Variants in ANKRD50 observed in about 807,000 individuals in gnomAD.
ANKRD50 encodes the protein ankyrin repeat domain-containing protein 50.
A neutral mutation model predicts 112.0 loss-of-function variants in ANKRD50; 40 were observed. The ratio of observed to expected loss-of-function variants is 0.36; its 90% confidence interval spans 0.28 to 0.46. The LOEUF (loss-of-function observed/expected upper bound fraction) is 0.46, where lower values mean the gene tolerates loss of function less well. Among genes scored for constraint, ANKRD50 ranks in the 20% least tolerant of loss-of-function variants. ANKRD50 has a pLI of 1.00. For synonymous variants in ANKRD50, 613 were observed against 619.1 expected, an observed-to-expected ratio of 0.99 and a Z score of 0.15; for missense variants, 1,487 against 1,701.7, an observed-to-expected ratio of 0.87 and a Z score of 2.22.
In ANKRD50 at chr4:124,669,372, G is replaced by C; in HGVS notation, c.3905C>G (p.Thr1302Ser). 6.2e-7 allele frequency: 1 copy of C among 1,613,660 alleles called. No individual in the cohort carries two copies. Among genetic ancestry groups the C allele is most frequent in the Non-Finnish European group, 8.5e-7 (1 of 1,179,840 alleles). Residue 1302 changes from threonine to serine, a missense_variant, in exon 4 of 5, where the codon ACT becomes AGT. Physicochemically the swap from Thr to Ser is moderately conservative, Grantham distance 58 (BLOSUM62 1). Coordinates refer to ENST00000504087, the MANE Select transcript of ANKRD50 (RefSeq NM_020337.3). ...TATAGGTCCTCTTCTATCAAACTGA[G>C]TCATTTCATATTCTAAAACCTTTGG... ...SQPKVLEYEM[T>S]QFDRRGPIAK...
chr4:124,708,964 T>C (rs1725567409), intron 2 of ANKRD50, among the ~76,000 whole-genome samples: 1 of 151,428 alleles, frequency 6.6e-6, no homozygotes, highest in South Asian at 2.1e-4. Context: ...AATGTATAGA[T>C]TTCACCCCAT....
In ANKRD50 at chr4:124,669,830, C is replaced by T. The variant is rs149969862; in HGVS notation, c.3447G>A (p.Ser1149=). 325 of 1,612,716 alleles carry T rather than the reference C, an allele frequency of 2.0e-4. 2 individuals carry two copies. The African/African-American group carries it at 3.6e-3, about 18-fold the overall frequency. Residue 1149 remains serine (S), a synonymous_variant, in exon 4 of 5, where the codon TCG becomes TCA. Transcript: ENST00000504087. ...TAGGCCCATTAGGTAAACCACGTAA[C>T]GAAGGCTGCATATCCCCTCCACCAG... ...GSTGGGDMQP[S]LRGLPNGPTH...
chr4:124,679,268 C>T (rs1424885931), intron 2 of ANKRD50, among the ~76,000 whole-genome samples: 1 of 152,082 alleles, frequency 6.6e-6, no homozygotes, highest in Non-Finnish European at 1.5e-5. Flanking sequence ...AAATGTGTTG[C>T]AGAGTGGAAA....
chr4:124,704,591 G>GCTTC (rs748237145), intron 2 of ANKRD50, among the ~76,000 whole-genome samples: 1 of 152,158 alleles, frequency 6.6e-6, no homozygotes, highest in Non-Finnish European at 1.5e-5. Context: ...TTATTCAAGA[G>GCTTC]CTTCAGCCTT....
intron 2 of ANKRD50, among the ~76,000 whole-genome samples, chr4:124,705,912 G>A (rs1182531026): frequency 6.6e-6 from 1 of 152,026 alleles, no homozygotes; most frequent in Non-Finnish European, 1.5e-5. Flanking sequence ...TTTCAGAAAT[G>A]AGGAAATAAA....
intron 2 of ANKRD50, among the ~76,000 whole-genome samples, chr4:124,703,350 G>A (rs150960908): frequency 5.4e-4 from 82 of 152,282 alleles, no homozygotes; most frequent in African/African-American, 1.9e-3. Context: ...ATGGGGAAGA[G>A]GAAGGGAAAC....
rs1489829501 is a variant in ANKRD50, at chr4:124,672,444, T to G, written c.833A>C (p.Glu278Ala). The stretch of plus-strand genomic sequence containing the variant: ...TTTTGTGAGGTGTTGTCGCAAAGCT[T>G]CTTCTTGATCTAAACGATGAAGAAT... ...QYILHRLDQE[E>A]ALRQHLTKET... is the part of the protein sequence containing the mutation. Residue 278 changes from glutamate to alanine, a missense_variant, in exon 4 of 5, where the codon GAA becomes GCA. By Grantham distance (107) the Glu-to-Ala change is moderately radical (BLOSUM62 -1). Around this residue, in one of 2 missense-constraint regions of ANKRD50, gnomAD observed 1,046 missense variants for 1,269.5 expected, o/e 0.82. Coordinates refer to ENST00000504087, the MANE Select transcript of ANKRD50 (RefSeq NM_020337.3). The G allele has an allele frequency of 3.1e-6, 5 of 1,612,798 alleles. No individual in the cohort carries two copies. Among genetic ancestry groups the G allele is most frequent in the Non-Finnish European group, 4.2e-6 (5 of 1,179,438 alleles).
At chr4:124,677,810 T>C (rs1173113298) in intron 3 of ANKRD50, among the ~76,000 whole-genome samples, 2 of 151,928 alleles carry the variant, frequency 1.3e-5, no homozygotes, top group Non-Finnish European at 2.9e-5. Context: ...AAGTGAATAA[T>C]ACTGGTTTTC....
At position 124,665,949 on chromosome 4, in the gene ANKRD50, T is replaced by A. The variant is rs1448081504; in HGVS notation, c.*1569A>T. 6.6e-6 allele frequency: 1 copy of A among 152,114 alleles called. No homozygotes were observed. 9.4% of individuals were successfully genotyped at this position (152,114 alleles called of 1,614,324 possible). Reference sequence around the variant, plus strand: ...GTGTCCTTCATATATGAAGATGACATTACTGACCTTTGTTATTAGGACATA... The same window carrying A: ...GTGTCCTTCATATATGAAGATGACAATACTGACCTTTGTTATTAGGACATA... On this transcript the variant is annotated 3_prime_UTR_variant, in exon 5 of 5. Coordinates refer to ENST00000504087, the MANE Select transcript of ANKRD50 (RefSeq NM_020337.3).
At position 124,678,795 on chromosome 4, in the gene ANKRD50, G is replaced by A. The variant is rs764300290; in HGVS notation, c.623C>T (p.Thr208Ile). Residue 208 changes from threonine to isoleucine, a missense_variant, in exon 3 of 5, where the codon ACC becomes ATC. Transcript: ENST00000504087. ...TGCTGCAACAGTCCCAGATAAGCTGGTAGACGTTTGTTCACCTTCAGTAAT... is the reference window on the plus strand; with the variant it reads ...TGCTGCAACAGTCCCAGATAAGCTGATAGACGTTTGTTCACCTTCAGTAAT... ...CNITEGEQTS[T>I]SLSGTVAALL... The A allele has an allele frequency of 1.5e-5, 24 of 1,613,868 alleles. No individual in the cohort carries two copies. Among genetic ancestry groups the A allele is most frequent in the Non-Finnish European group, 1.9e-5 (23 of 1,179,834 alleles).
intron 2 of ANKRD50, among the ~76,000 whole-genome samples, chr4:124,683,660 A>C (rs1724941052): frequency 6.6e-6 from 1 of 151,104 alleles, no homozygotes; most frequent in Non-Finnish European, 1.5e-5. Flanking sequence ...TTCCCCAAAG[A>C]CTGCCAATTT....
Position 124,666,418 on chromosome 4 carries a change from T to A in ANKRD50, c.*1100A>T, listed in dbSNP as rs1730492739. 1.3e-5 allele frequency: 2 copies of A among 152,430 alleles called. No homozygotes were observed. The highest frequency in any genetic ancestry group is 4.8e-5 in the African/African-American group (2 of 41,418). 9.4% of individuals were successfully genotyped at this position (152,430 alleles called of 1,614,324 possible). ...TATGATTGACAGGGGAGTGGTGTCA[T>A]CTGTGAAGGGCAGCACATTTTATAT... On this transcript the variant is annotated 3_prime_UTR_variant, in exon 5 of 5. Transcript: ENST00000504087.
chr4:124,695,279 G>C (rs1057276758), intron 2 of ANKRD50, among the ~76,000 whole-genome samples: 1 of 152,138 alleles, frequency 6.6e-6, no homozygotes, highest in South Asian at 2.1e-4. Flanking sequence ...CTTCCAAAGT[G>C]AGCAAAAGAA....
chr4:124,686,623 C>T (rs186644431), intron 2 of ANKRD50, among the ~76,000 whole-genome samples: 26 of 152,186 alleles, frequency 1.7e-4, no homozygotes, highest in East Asian at 1.2e-3. Context: ...CCTACAGCAA[C>T]GGGATGGGCA....
At position 124,671,530 on chromosome 4, in the gene ANKRD50, T is replaced by C; in HGVS notation, c.1747A>G (p.Thr583Ala). Residue 583 changes from threonine to alanine, a missense_variant, in exon 4 of 5, where the codon ACT becomes GCT. Thr to Ala is a moderately conservative substitution (Grantham distance 58). Around this residue, in one of 2 missense-constraint regions of ANKRD50, gnomAD observed 1,046 missense variants for 1,269.5 expected, o/e 0.82. Transcript: ENST00000504087. ...GTATGTCCCTGTCTAGCCGCTAGAG[T>C]GAGTGGTGTATGTCCATGAGCATCT... The part of the protein sequence containing the change: ...IEDAHGHTPL[T>A]LAARQGHTKV... The C allele has an allele frequency of 3.7e-6, 6 of 1,613,682 alleles. No individual in the cohort carries two copies. Among genetic ancestry groups the C allele is most frequent in the Non-Finnish European group, 5.1e-6 (6 of 1,179,828 alleles).
In ANKRD50 at chr4:124,671,093, T is replaced by C. The variant is rs765321731; in HGVS notation, c.2184A>G (p.Ala728=). The part of the protein sequence containing the change: ...ALCVPASKGH[A]SVVSLLIDRG... ...GATCAATTAAAAGGCTAACAACTGATGCGTGCCCTTTACTTGCAGGCACAC... is the reference window on the plus strand; with the variant it reads ...GATCAATTAAAAGGCTAACAACTGACGCGTGCCCTTTACTTGCAGGCACAC... Residue 728 remains alanine, a synonymous_variant, in exon 4 of 5, where the codon GCA becomes GCG. Transcript: ENST00000504087. The C allele has an allele frequency of 6.2e-6, 10 of 1,613,692 alleles. No individual in the cohort carries two copies. The highest frequency in any genetic ancestry group is 1.3e-5 in the African/African-American group (1 of 74,872).
At chr4:124,683,261 T>G (rs540499506) in intron 2 of ANKRD50, among the ~76,000 whole-genome samples, 1 of 151,488 alleles carries the variant, frequency 6.6e-6, no homozygotes, top group South Asian at 2.1e-4. Context: ...AAAAATGGCA[T>G]CCTCATTATA....
chr4:124,699,242 A>T (rs890825255), intron 2 of ANKRD50, among the ~76,000 whole-genome samples: 3 of 146,410 alleles, frequency 2.0e-5, no homozygotes, highest in African/African-American at 7.6e-5. Context: ...ATTCAGATTT[A>T]GAAGCAGATA....
Position 124,678,683 on chromosome 4 carries a change from CA to C in ANKRD50, c.734del (p.Met245SerfsTer8), listed in dbSNP as rs752967505. ...GTAAGTAATTATGCTTACCAGTAAACATTTTAGTAACAGCCTTACTCTGCTT... is the reference window on the plus strand; with the variant it reads ...GTAAGTAATTATGCTTACCAGTAAACTTTTAGTAACAGCCTTACTCTGCTT... ...ARKQSKAVTK[M>X]FTGFRKISLD... On this transcript the variant is annotated frameshift_variant, in exon 3 of 5. Coordinates refer to ENST00000504087, the MANE Select transcript of ANKRD50 (RefSeq NM_020337.3). LOFTEE classifies it high-confidence loss of function. The C allele has an allele frequency of 6.2e-7, 1 of 1,612,518 alleles. No individual in the cohort carries two copies. The highest frequency in any genetic ancestry group is 8.5e-7 in the Non-Finnish European group (1 of 1,178,856).
Sources: allele counts gnomAD v4.1 joint callset (sites outside exome capture counted in the v4.1 genomes callset), GRCh38; gene constraint gnomAD v4.1.1; regional missense constraint gnomAD v4.1.1; transcripts MANE v1.5; gene names NCBI Gene and HGNC (gene_info 2026-07-23, HGNC 2026-07-21).